SGCD: variants seen among roughly 807,000 people sequenced by gnomAD.
SGCD encodes the protein delta-sarcoglycan.
SGCD carries 18 observed loss-of-function variants against 36.6 expected under a neutral mutation model. The ratio of observed to expected loss-of-function variants is 0.49; its 90% confidence interval spans 0.34 to 0.73. The LOEUF is 0.73. SGCD is among the 30% of genes least tolerant of loss of function. The pLI is 0.01. For synonymous variants in SGCD, 133 were observed against 130.6 expected (o/e 1.02, Z -0.12); for missense variants, 387 against 346.7 (o/e 1.12, Z -0.92).
chr5:156,186,504 A>G (rs1348668923), intron 3 of SGCD, among the ~76,000 whole-genome samples: 1 of 152,180 alleles, frequency 6.6e-6, no homozygotes, highest in African/African-American at 2.4e-5. Flanking sequence ...GAAAGCATCT[A>G]TGGCACTCCT....
rs184729653 is a variant in SGCD at position 156,362,418 on chromosome 5, C to T, written c.192+17741C>T. Among the ~76,000 whole-genome samples, 601 of 152,308 alleles carry T rather than the reference C, an allele frequency of 3.9e-3. 1 individual carries two copies. Among genetic ancestry groups the T allele is most frequent in the Non-Finnish European group, 7.2e-3 (490 of 68,026 alleles). Reference sequence around the variant, plus strand: ...ATGCCAGCACTTTGGGAGGCCCAGGCGGGCGGATCATGAGGTCAAGAGACT... The same window carrying T: ...ATGCCAGCACTTTGGGAGGCCCAGGTGGGCGGATCATGAGGTCAAGAGACT... On this transcript the variant is annotated intron_variant, in intron 3 of 8. Transcript: ENST00000337851.
At chr5:155,891,899 T>C (rs1186428001) in intron 1 of SGCD, among the ~76,000 whole-genome samples, 4 of 152,182 alleles carry the variant, frequency 2.6e-5, no homozygotes, top group Non-Finnish European at 4.4e-5. Context: ...ATACATCTTC[T>C]TCTCGAATTT....
At chr5:156,296,399 G>A (rs1766894315) in intron 3 of SGCD, among the ~76,000 whole-genome samples, 1 of 152,086 alleles carries the variant, frequency 6.6e-6, no homozygotes, top group Non-Finnish European at 1.5e-5. Flanking sequence ...TAAATTGTAG[G>A]AATTCACTAC....
intron 6 of SGCD, among the ~76,000 whole-genome samples, chr5:156,614,559 G>C (rs78706094): frequency 0.052 from 7,880 of 152,200 alleles, 674 homozygotes; most frequent in African/African-American, 0.18. Context: ...CCTTTACTAA[G>C]TCTTCTTTCA....
chr5:156,110,044 G>T (rs1157153234), intron 1 of SGCD, among the ~76,000 whole-genome samples: 1 of 152,144 alleles, frequency 6.6e-6, no homozygotes, highest in African/African-American at 2.4e-5. Context: ...TGCTTTGGGG[G>T]TCAGTGACAA....
intron 1 of SGCD, among the ~76,000 whole-genome samples, chr5:155,881,542 C>G (rs1755886180): frequency 6.6e-6 from 1 of 152,182 alleles, no homozygotes; most frequent in African/African-American, 2.4e-5. Flanking sequence ...AGGGCCTTGC[C>G]TTGATGTTGA....
chr5:156,323,249 C>T (rs1356716022), upstream of SGCD, among the ~76,000 whole-genome samples: 1 of 152,104 alleles, frequency 6.6e-6, no homozygotes, highest in Non-Finnish European at 1.5e-5. Flanking sequence ...GGAGTTGTTC[C>T]TCCTCTCTTT....
chr5:156,695,531 A>G (rs11740087), intron 7 of SGCD, among the ~76,000 whole-genome samples: 28 of 122,368 alleles, frequency 2.3e-4, no homozygotes, highest in Non-Finnish European at 3.1e-4. Context: ...ATAGATAGAT[A>G]GATAGATAGA....
intron 1 of SGCD, among the ~76,000 whole-genome samples, chr5:156,030,695 G>A (rs912013790): frequency 1.3e-5 from 2 of 152,156 alleles, no homozygotes; most frequent in African/African-American, 4.8e-5. Context: ...GAAGGAAGTA[G>A]TCATTTCCAT....
chr5:155,957,138 G>A (rs368422555), intron 1 of SGCD, among the ~76,000 whole-genome samples: 5 of 152,110 alleles, frequency 3.3e-5, no homozygotes, highest in East Asian at 3.9e-4. Flanking sequence ...AGATCTGAAG[G>A]AGATGGAAAA....
At chr5:156,706,761 A>G (rs1754760514) in intron 7 of SGCD, among the ~76,000 whole-genome samples, 1 of 152,162 alleles carries the variant, frequency 6.6e-6, no homozygotes, top group South Asian at 2.1e-4. Flanking sequence ...GCCCATTCTC[A>G]GGAACTCCTT....
At chr5:156,414,099 C>A (rs1373732020) in intron 3 of SGCD, among the ~76,000 whole-genome samples, 1 of 152,184 alleles carries the variant, frequency 6.6e-6, no homozygotes, top group Non-Finnish European at 1.5e-5. Context: ...TCTTGCCCAT[C>A]CCTTTCTCTA....
chr5:156,598,414 C>G (rs1355013844), intron 6 of SGCD, among the ~76,000 whole-genome samples: 1 of 152,122 alleles, frequency 6.6e-6, no homozygotes, highest in Admixed American at 6.6e-5. Flanking sequence ...TGGTGGCACA[C>G]AGCTGTAATC....
At chr5:156,584,694 T>C (rs778949524) in intron 4 of SGCD, among the ~76,000 whole-genome samples, 2 of 152,194 alleles carry the variant, frequency 1.3e-5, no homozygotes, top group Non-Finnish European at 2.9e-5. Context: ...AATTTGTATC[T>C]TCTACCATTC....
chr5:156,083,566 A>AT (rs1161017722), intron 1 of SGCD, among the ~76,000 whole-genome samples: 1 of 149,138 alleles, frequency 6.7e-6, no homozygotes, highest in East Asian at 2.0e-4. Context: ...AAGTGCTGGA[A>AT]TTACAGGTAT....
intron 1 of SGCD, among the ~76,000 whole-genome samples, chr5:156,014,973 A>T (rs755581929): frequency 6.6e-6 from 1 of 152,140 alleles, no homozygotes; most frequent in Non-Finnish European, 1.5e-5. Context: ...GCATGTCGTG[A>T]CCATCTCCCC....
chr5:156,373,632 T>C (rs961115724), intron 3 of SGCD, among the ~76,000 whole-genome samples: 3 of 152,204 alleles, frequency 2.0e-5, no homozygotes, highest in African/African-American at 4.8e-5. Flanking sequence ...GAAATCTCCA[T>C]GACTCTGACT....
At chr5:156,443,094 C>A (rs1000549535) in intron 3 of SGCD, among the ~76,000 whole-genome samples, 4 of 152,126 alleles carry the variant, frequency 2.6e-5, no homozygotes, top group African/African-American at 9.7e-5. Context: ...AGGTGATTCT[C>A]CTGTCTCAGC....
chr5:156,296,709 A>G (rs937164697), intron 3 of SGCD, among the ~76,000 whole-genome samples: 3 of 152,150 alleles, frequency 2.0e-5, no homozygotes, highest in Non-Finnish European at 2.9e-5. Flanking sequence ...GTGGCATAAC[A>G]TATGGTTTAT....
Sources: allele counts gnomAD v4.1 joint callset (sites outside exome capture counted in the v4.1 genomes callset), GRCh38; gene constraint gnomAD v4.1.1; transcripts MANE v1.5; gene names NCBI Gene and HGNC (gene_info 2026-07-23, HGNC 2026-07-21).